The following SAMD4A variants were observed in gnomAD, a reference collection of about 807,000 sequenced individuals.
SAMD4A encodes the protein sterile alpha motif domain containing 4A, also known as protein Smaug homolog 1.
SAMD4A carries 33 observed loss-of-function variants against 81.3 expected under a neutral mutation model. That is an observed-to-expected ratio of 0.41 (90% CI 0.31 to 0.54). The LOEUF (loss-of-function observed/expected upper bound fraction) is 0.54. SAMD4A is among the 20% of genes least tolerant of loss of function. SAMD4A has a pLI of 0.37. For missense variants in SAMD4A, 854 were observed against 951.1 expected, an observed-to-expected ratio of 0.90 and a Z score of 1.34; for synonymous variants, 389 against 382.1, an observed-to-expected ratio of 1.02 and a Z score of -0.21.
rs188247540 is a variant in SAMD4A at position 54,784,649 on chromosome 14, T to C, written c.2128+29T>C. 1.9e-4 allele frequency: 308 copies of C among 1,588,140 alleles called. 1 individual carries two copies. The East Asian group carries it at 4.7e-3, about 24-fold the overall frequency. ...AGTGTGTTCTTCCTGCATGTCCCCA[T>C]GTCCCTGTTACCGTGTGCCTGGGAG... On this transcript the variant is annotated intron_variant, in intron 12 of 12. Coordinates refer to ENST00000554335, the MANE Select transcript of SAMD4A (RefSeq NM_015589.6).
Position 54,751,459 on chromosome 14 carries a change from CA to C in SAMD4A, c.1101del (p.Gly368ValfsTer20). 6.3e-7 allele frequency: 1 copy of C among 1,578,098 alleles called. No individual in the cohort carries two copies. Among genetic ancestry groups the C allele is most frequent in the Non-Finnish European group, 8.7e-7 (1 of 1,154,314 alleles). ...TTGTTATTTAATTACAGAATGTTACCAAAGGTGCAAGACACAAAATTGTCAT... is the reference window on the plus strand; with the variant it reads ...TTGTTATTTAATTACAGAATGTTACCAAGGTGCAAGACACAAAATTGTCAT... The part of the protein sequence containing the change: ...ECQLEAQNVT[K>X]GARHKIVISI... On this transcript the variant is annotated frameshift_variant, in exon 6 of 13. Coordinates refer to ENST00000554335, the MANE Select transcript of SAMD4A (RefSeq NM_015589.6). LOFTEE classifies it high-confidence loss of function.
chr14:54,764,456 G>C lies in SAMD4A; in HGVS notation c.1512G>C (p.Val504=). The change falls in exon 8 of 13, where the codon GTG becomes GTC. Residue 504 remains valine, a splice_region_variant and synonymous_variant. Transcript: ENST00000554335. ...TTCATCTTTTCTTTTTAATTACAGT[G>C]TGCACACAGCTCTTGGTCTCCAGAC... The part of the protein sequence containing the change: ...PGQFTRVMGK[V]CTQLLVSRPD... 1 of 1,599,456 alleles carries C rather than the reference G, an allele frequency of 6.3e-7. No individual in the cohort carries two copies. The highest frequency in any genetic ancestry group is 8.5e-7 in the Non-Finnish European group (1 of 1,170,604).
At chr14:54,648,316 T>C in intron 2 of SAMD4A, among the ~76,000 whole-genome samples, 1 of 152,190 alleles carries the variant, frequency 6.6e-6, no homozygotes, top group East Asian at 1.9e-4. Flanking sequence ...AGATTGAGAC[T>C]TCAGTGCTGG....
chr14:54,767,033 G>C (rs918002265), intron 8 of SAMD4A, among the ~76,000 whole-genome samples: 11 of 152,212 alleles, frequency 7.2e-5, no homozygotes, highest in Non-Finnish European at 1.6e-4. Context: ...GGTCAGGAAG[G>C]AGCTGGTGAG....
chr14:54,642,660 C>T (rs1459507218), intron 2 of SAMD4A, among the ~76,000 whole-genome samples: 1 of 152,106 alleles, frequency 6.6e-6, no homozygotes, highest in African/African-American at 2.4e-5. Context: ...ACTGAGATAA[C>T]AGGAATGAAA....
chr14:54,584,902 G>GT (rs1279092915), intron 2 of SAMD4A, among the ~76,000 whole-genome samples: 1 of 152,126 alleles, frequency 6.6e-6, no homozygotes, highest in East Asian at 1.9e-4. Context: ...AGGTAGAAGA[G>GT]TTTTTAAAAA....
At chr14:54,615,229 T>C (rs2034461703) in intron 2 of SAMD4A, among the ~76,000 whole-genome samples, 1 of 152,232 alleles carries the variant, frequency 6.6e-6, no homozygotes. Context: ...TTACCTCATT[T>C]AATTCTCACA....
chr14:54,618,303 G>A (rs904315281), intron 2 of SAMD4A, among the ~76,000 whole-genome samples: 2 of 152,150 alleles, frequency 1.3e-5, no homozygotes, highest in Admixed American at 6.5e-5. Flanking sequence ...CATGTTAGGA[G>A]TATTTACACC....
At chr14:54,682,094 G>A (rs1299150299) in intron 2 of SAMD4A, 19 of 977,116 alleles carry the variant, frequency 1.9e-5, no homozygotes, top group Admixed American at 1.2e-4. Flanking sequence ...AGGAATCTCC[G>A]GATCCCTGTT....
Position 54,716,497 on chromosome 14 carries a change from T to C in SAMD4A, c.715+13917T>C, listed in dbSNP as rs1181885336. 2.0e-5 allele frequency among the ~76,000 whole-genome samples: 3 copies of C among 152,218 alleles called. No individual in the cohort carries two copies. In the South Asian group the frequency reaches 6.2e-4, roughly 32 times the overall value. ...GAGGTGTCTCATTTTACACAGTGGGTATATTTCCAAAAAGTTGTTGAAGCA... is the reference window on the plus strand; with the variant it reads ...GAGGTGTCTCATTTTACACAGTGGGCATATTTCCAAAAAGTTGTTGAAGCA... On this transcript the variant is annotated intron_variant, in intron 3 of 12. Coordinates refer to ENST00000554335, the MANE Select transcript of SAMD4A (RefSeq NM_015589.6).
In SAMD4A at chr14:54,603,381, T is replaced by C. The variant is rs114980187; in HGVS notation, c.196+35269T>C. The stretch of plus-strand genomic sequence containing the variant: ...TGTAGACTCTGTATAATTTAGGCAG[T>C]TTTATGAATATGGATTTTAACTCTG... On this transcript the variant is annotated intron_variant, in intron 2 of 12. Transcript: ENST00000554335. Among the ~76,000 whole-genome samples the C allele has an allele frequency of 8.3e-3, 1,263 of 152,298 alleles. 23 individuals carry two copies. The highest frequency in any genetic ancestry group is 0.029 in the African/African-American group (1,213 of 41,556).
At position 54,760,255 on chromosome 14, in the gene SAMD4A, C is replaced by A. The variant is rs563847886; in HGVS notation, c.1271C>A (p.Thr424Asn). Residue 424 changes from threonine (T) to asparagine (N), a missense_variant, in exon 7 of 13, where the codon ACC becomes AAC. Physicochemically the swap from Thr to Asn is moderately conservative, Grantham distance 65. Coordinates refer to ENST00000554335, the MANE Select transcript of SAMD4A (RefSeq NM_015589.6). The stretch of plus-strand genomic sequence containing the variant: ...AAGGCCTACAGCTCCCCGAGCACCA[C>A]CCCCGAGGCTCGCCGCCGGGAGCCC... ...PIKAYSSPST[T>N]PEARRREPQA... is the part of the protein sequence containing the mutation. 2 of 1,613,084 alleles carry A rather than the reference C, an allele frequency of 1.2e-6. No homozygotes were observed. The highest frequency in any genetic ancestry group is 3.3e-5 in the Admixed American group (2 of 60,006).
rs2032996311 is a variant in SAMD4A at position 54,568,131 on chromosome 14, C to T, written c.196+19C>T. On this transcript the variant is annotated intron_variant, in intron 2 of 12. Coordinates refer to ENST00000554335, the MANE Select transcript of SAMD4A (RefSeq NM_015589.6). Reference sequence around the variant, plus strand: ...AGCCCCGGTAAGTGTGCGGCGGCCGCCGCCGCCGTCCCGCCTGCCCAACCC... The same window carrying T: ...AGCCCCGGTAAGTGTGCGGCGGCCGTCGCCGCCGTCCCGCCTGCCCAACCC... The T allele has an allele frequency of 1.4e-6, 2 of 1,455,388 alleles. No homozygotes were observed. Among genetic ancestry groups the T allele is most frequent in the South Asian group, 2.7e-5 (2 of 73,268 alleles). The allele number at this position is 1,455,388 out of a possible 1,614,324, so 90.2% of individuals were successfully genotyped here. A position where few individuals can be genotyped will look rare whatever the true frequency, so the allele number is the denominator to read the frequency against.
At chr14:54,626,006 C>G (rs933672550) in intron 2 of SAMD4A, among the ~76,000 whole-genome samples, 6 of 149,942 alleles carry the variant, frequency 4.0e-5, no homozygotes, top group Non-Finnish European at 8.9e-5. Context: ...AATAGCAGCT[C>G]TACTGCTAGG....
In SAMD4A at chr14:54,676,392, A is replaced by C. The variant is rs566416389; in HGVS notation, c.197-25670A>C. Reference sequence around the variant, plus strand: ...TTTCTTTTTTCTTTTCTTTTCTTTGAGACAGAGTCTTGCTCTATCACCCAG... The same window carrying C: ...TTTCTTTTTTCTTTTCTTTTCTTTGCGACAGAGTCTTGCTCTATCACCCAG... On this transcript the variant is annotated intron_variant, in intron 2 of 12. Coordinates refer to ENST00000554335, the MANE Select transcript of SAMD4A (RefSeq NM_015589.6). Among the ~76,000 whole-genome samples, 30 of 152,124 alleles carry C rather than the reference A, an allele frequency of 2.0e-4. No individual in the cohort carries two copies. The South Asian group carries it at 6.2e-3, about 32-fold the overall frequency.
rs1212264117 is a variant in SAMD4A, at chr14:54,723,990, TTGGA to T, written c.716-13017_716-13014del. Among the ~76,000 whole-genome samples the T allele has an allele frequency of 3.9e-3, 343 of 88,436 alleles. 3 individuals are homozygous for T. The highest frequency in any genetic ancestry group is 6.1e-3 in the African/African-American group (175 of 28,886). 58.0% of individuals were successfully genotyped at this position (88,436 alleles called of 152,430 possible). A position where few individuals can be genotyped will look rare whatever the true frequency, so the allele number is the denominator to read the frequency against. On this transcript the variant is annotated intron_variant, in intron 3 of 12. Transcript: ENST00000554335. ...ACACCAGGCAGATGCTCAGCAAATA[TTGGA>T]TGGATGGATGGATGGAAGGAAGGAA...
chr14:54,666,029 T>C (rs558457841), intron 2 of SAMD4A, among the ~76,000 whole-genome samples: 4 of 152,342 alleles, frequency 2.6e-5, no homozygotes, highest in African/African-American at 9.6e-5. Context: ...TAAAACCTAG[T>C]AAAAGAGAGA....
chr14:54,682,302 A>T (rs2036147632), intron 2 of SAMD4A, among the ~76,000 whole-genome samples: 1 of 151,982 alleles, frequency 6.6e-6, no homozygotes, highest in African/African-American at 2.4e-5. Context: ...GTTTGATTCC[A>T]TTTTCACTCC....
rs181410430 is a variant in SAMD4A, at chr14:54,792,147, T to C, written c.*3203T>C. On this transcript the variant is annotated 3_prime_UTR_variant, in exon 13 of 13. Transcript: ENST00000554335. ...GACATGAAACATTGCTGCTGATATGTTGTTTTTTCACATGCTTTTGAGTTT... is the reference window on the plus strand; with the variant it reads ...GACATGAAACATTGCTGCTGATATGCTGTTTTTTCACATGCTTTTGAGTTT... 9 of 152,238 alleles carry C rather than the reference T, an allele frequency of 5.9e-5. No individual in the cohort carries two copies. The highest frequency in any genetic ancestry group is 1.2e-4 in the Non-Finnish European group (8 of 68,044). The allele number at this position is 152,238 out of a possible 1,614,324, so 9.4% of individuals were successfully genotyped here. A position where few individuals can be genotyped will look rare whatever the true frequency, so the allele number is the denominator to read the frequency against.
Sources: gnomAD v4.1 joint callset for allele counts (sites outside exome capture counted in the v4.1 genomes callset) on GRCh38, gnomAD v4.1.1 for gene constraint, MANE v1.5 for transcripts, NCBI Gene and HGNC (gene_info 2026-07-23, HGNC 2026-07-21) for gene names.